RANBP2: variants seen among roughly 807,000 people sequenced by gnomAD.
RANBP2 encodes RAN binding protein 2.
In RANBP2, 57 loss-of-function variants were observed where a neutral mutation model predicts 303.6. That is an observed-to-expected ratio of 0.19 (90% CI 0.15 to 0.23). The LOEUF is 0.23. Among genes scored for constraint, RANBP2 ranks in the 10% least tolerant of loss-of-function variants. The probability of loss-of-function intolerance (pLI) is 1.00; values close to 1 mark genes in which losing one functional copy is unlikely to be tolerated. For missense variants in RANBP2, 3,138 were observed against 3,780.8 expected (o/e 0.83, Z 4.46); for synonymous variants, 1,167 against 1,301.5 (o/e 0.90, Z 2.23).
chr2:109,429,657 C>T, the RANBP2 span, among the ~76,000 whole-genome samples: 5 of 152,156 alleles, frequency 3.3e-5, no homozygotes, highest in Non-Finnish European at 5.9e-5. Context: ...TGCCCCAGGC[C>T]GCGCTGACAG....
chr2:109,589,402 C>T, the RANBP2 span, among the ~76,000 whole-genome samples: 1 of 152,060 alleles, frequency 6.6e-6, no homozygotes, highest in Non-Finnish European at 1.5e-5. Context: ...CATGGTGGTG[C>T]ATGCCTGTAG....
the RANBP2 span, among the ~76,000 whole-genome samples, chr2:109,103,443 G>A: frequency 6.6e-6 from 1 of 152,194 alleles, no homozygotes; most frequent in Non-Finnish European, 1.5e-5. Flanking sequence ...ATCCGTGTGA[G>A]GTATACATTC....
chr2:109,005,220 A>G, the RANBP2 span, among the ~76,000 whole-genome samples: 3 of 152,328 alleles, frequency 2.0e-5, no homozygotes, highest in Admixed American at 2.0e-4. Flanking sequence ...TGGTTCCTGA[A>G]GCACTGCAGC....
the RANBP2 span, among the ~76,000 whole-genome samples, chr2:109,734,143 C>T: frequency 6.8e-6 from 1 of 146,988 alleles, no homozygotes; most frequent in East Asian, 2.0e-4. Flanking sequence ...CATGCCATTG[C>T]ACTCCAGCCA....
At chr2:109,362,734 A>G in the RANBP2 span, among the ~76,000 whole-genome samples, 2 of 152,058 alleles carry the variant, frequency 1.3e-5, no homozygotes, top group Non-Finnish European at 2.9e-5. Flanking sequence ...TTTTTGCATC[A>G]TGTATTTTGA....
chr2:109,049,725 C>G, the RANBP2 span, among the ~76,000 whole-genome samples: 2 of 152,212 alleles, frequency 1.3e-5, no homozygotes, highest in African/African-American at 4.8e-5. Flanking sequence ...AATTGCCTCC[C>G]TTATCTGTCA....
At chr2:108,931,845 G>A in the RANBP2 span, among the ~76,000 whole-genome samples, 1 of 151,910 alleles carries the variant, frequency 6.6e-6, no homozygotes, top group Admixed American at 6.6e-5. Context: ...GAGATAATGT[G>A]CTCTAGTGAT....
At chr2:109,424,940 A>T in the RANBP2 span, among the ~76,000 whole-genome samples, 1 of 152,244 alleles carries the variant, frequency 6.6e-6, no homozygotes, top group Non-Finnish European at 1.5e-5. Context: ...TCATGTCAAA[A>T]GCTGAGATAG....
the RANBP2 span, among the ~76,000 whole-genome samples, chr2:109,057,242 TTAAAC>T: frequency 6.6e-6 from 1 of 152,190 alleles, no homozygotes; most frequent in African/African-American, 2.4e-5. Context: ...CTTTCATACT[TTAAAC>T]TGAAGCCATT....
At chr2:108,818,228 C>T in the RANBP2 span, among the ~76,000 whole-genome samples, 1 of 152,060 alleles carries the variant, frequency 6.6e-6, no homozygotes, top group Non-Finnish European at 1.5e-5. Context: ...ATCACCTGAA[C>T]CTGGGGGGGT....
the RANBP2 span, chr2:108,929,094 G>A: frequency 7.2e-4 from 953 of 1,332,382 alleles, 5 homozygotes; most frequent in African/African-American, 0.013. Context: ...GCTGCACCGA[G>A]GCCTGCAGTA....
the RANBP2 span, among the ~76,000 whole-genome samples, chr2:109,655,832 A>G: frequency 6.6e-6 from 1 of 152,318 alleles, no homozygotes; most frequent in African/African-American, 2.4e-5. Flanking sequence ...CTGAAACAAA[A>G]TAAGCAACTC....
chr2:109,742,443 AACAAAC>A, the RANBP2 span, among the ~76,000 whole-genome samples: 1 of 146,630 alleles, frequency 6.8e-6, no homozygotes, highest in Admixed American at 6.9e-5. Flanking sequence ...AACAAAAACA[AACAAAC>A]AAACAAACAA....
At chr2:109,473,799 C>T in the RANBP2 span, among the ~76,000 whole-genome samples, 2 of 151,678 alleles carry the variant, frequency 1.3e-5, no homozygotes, top group Non-Finnish European at 2.9e-5. Context: ...CTGAGCCCCC[C>T]GTGCACAGCC....
chr2:109,245,173 G>C, the RANBP2 span, among the ~76,000 whole-genome samples: 1 of 152,154 alleles, frequency 6.6e-6, no homozygotes, highest in African/African-American at 2.4e-5. Flanking sequence ...TTGGGTTCTT[G>C]CCATGTGGCT....
chr2:109,567,536 C>T, the RANBP2 span, among the ~76,000 whole-genome samples: 60 of 152,300 alleles, frequency 3.9e-4, no homozygotes, highest in Admixed American at 7.2e-4. Flanking sequence ...AAGGCAATTA[C>T]ATATGGCTGC....
chr2:108,852,708 A>T, the RANBP2 span, among the ~76,000 whole-genome samples: 2 of 152,208 alleles, frequency 1.3e-5, no homozygotes, highest in Non-Finnish European at 2.9e-5. Flanking sequence ...TGATGAGAAC[A>T]CATGGATACA....
chr2:109,697,828 A>ATTCTTTCATTAT, the RANBP2 span, among the ~76,000 whole-genome samples: 7,169 of 139,564 alleles, frequency 0.051, 511 homozygotes, highest in African/African-American at 0.17. Context: ...GAAAGCATTT[A>ATTCTTTCATTAT]TTCTTTCATT....
Position 108,751,392 on chromosome 2 carries a change from A to T in RANBP2, c.1402A>T (p.Thr468Ser), listed in dbSNP as rs1237003732. 6.8e-6 allele frequency: 11 copies of T among 1,611,888 alleles called. No individual in the cohort carries two copies. Among genetic ancestry groups the T allele is most frequent in the Non-Finnish European group, 9.3e-6 (11 of 1,179,862 alleles). The stretch of plus-strand genomic sequence containing the variant: ...GCTTTTCCATCATTTGCCCCATGAA[A>T]CCTCAAGGCTTGAAACAAATGCACC... ...KQLFHHLPHE[T>S]SRLETNAPES... Residue 468 changes from threonine to serine, a missense_variant, in exon 10 of 29, where the codon ACC becomes TCC. By Grantham distance (58) the Thr-to-Ser change is moderately conservative. This residue lies in a region of RANBP2 where 162 missense variants were observed against 286.9 expected (regional missense o/e 0.56). Coordinates refer to ENST00000283195, the MANE Select transcript of RANBP2 (RefSeq NM_006267.5).
Sources: allele counts gnomAD v4.1 joint callset (sites outside exome capture counted in the v4.1 genomes callset), GRCh38; gene constraint gnomAD v4.1.1; regional missense constraint gnomAD v4.1.1; transcripts MANE v1.5; gene names NCBI Gene and HGNC (gene_info 2026-07-23, HGNC 2026-07-21).